FSD2: variants seen among roughly 807,000 people sequenced by gnomAD.
FSD2 encodes fibronectin type III and SPRY domain-containing protein 2.
Under a neutral mutation model 80.4 loss-of-function variants are expected in FSD2, and 71 were observed. The ratio of observed to expected loss-of-function variants is 0.88; its 90% CI spans 0.73 to 1.08. FSD2 has a LOEUF of 1.08. Ranked by LOEUF, FSD2 falls within the 50% of genes least tolerant of loss-of-function variation. FSD2 has a pLI of 0.00. For missense variants in FSD2, 923 were observed against 913.8 expected (o/e 1.01, Z -0.13); for synonymous variants, 361 against 329.5 (o/e 1.10, Z -1.03).
At chr15:82,772,297 C>G (rs72753957) in intron 6 of FSD2, 69 bp from the exon 7 acceptor site, 18,531 of 1,468,340 alleles carry the variant, frequency 0.013, 146 homozygotes, top group Middle Eastern at 0.03. Flanking sequence ...GCCCCTTTCC[C>G]ATGACCATTG....
intron 3 of FSD2, 52 bp downstream of exon 3, chr15:82,786,459 G>T: frequency 7.6e-7 from 1 of 1,321,564 alleles, no homozygotes; most frequent in Non-Finnish European, 1.1e-6. Flanking sequence ...GCTTGACATA[G>T]CCATTGATGG....
intron 3 of FSD2, among the ~76,000 whole-genome samples, chr15:82,784,993 CACTT>C (rs2049960925): frequency 6.6e-6 from 1 of 152,150 alleles, no homozygotes; most frequent in Non-Finnish European, 1.5e-5. Context: ...AGGAAAAGAA[CACTT>C]ACCAAAAACG....
intron 6 of FSD2, among the ~76,000 whole-genome samples, chr15:82,777,117 C>G (rs2049731084): frequency 6.6e-6 from 1 of 152,180 alleles, no homozygotes; most frequent in Non-Finnish European, 1.5e-5. Flanking sequence ...AACTGTATAA[C>G]TTCTTAAAGA....
intron 1 of FSD2, among the ~76,000 whole-genome samples, chr15:82,795,965 TAGA>T (rs1212922966): frequency 1.3e-5 from 2 of 151,548 alleles, no homozygotes; most frequent in African/African-American, 4.8e-5. Flanking sequence ...TCAAATGTCA[TAGA>T]AGAAGTTTTG....
chr15:82,772,457 C>T (rs933958945), intron 6 of FSD2, among the ~76,000 whole-genome samples: 1 of 152,166 alleles, frequency 6.6e-6, no homozygotes, highest in Non-Finnish European at 1.5e-5. Flanking sequence ...GCTTAAGGAG[C>T]AGGGGTCGGT....
Position 82,765,942 on chromosome 15 carries a change from C to G in FSD2, c.1643G>C (p.Gly548Ala), listed in dbSNP as rs754832955. The G allele has an allele frequency of 3.1e-6, 5 of 1,609,384 alleles. No individual in the cohort carries two copies. The South Asian group carries it at 3.3e-5, about 11-fold the overall frequency. ...YIIYVRALNMGGPSVRSEPAT... is the reference protein window; with the variant it reads ...YIIYVRALNMAGPSVRSEPAT... ...TGGCTCGCTCCTCACGCTGGGGCCC[C>G]CCATATTGAGGGCTCGCACATAGAT... Residue 548 changes from glycine to alanine, a missense_variant, in exon 10 of 13, where the codon GGG becomes GCG. Coordinates refer to ENST00000334574, the MANE Select transcript of FSD2 (RefSeq NM_001007122.4).
At position 82,778,795 on chromosome 15, in the gene FSD2, T is replaced by C; in HGVS notation, c.1082A>G (p.Gln361Arg). The change falls in exon 6 of 13, where the codon CAG (glutamine) becomes CGG (arginine). Residue 361 changes from glutamine (Q) to arginine (R), a missense_variant. Gln to Arg is a conservative substitution (Grantham distance 43). Transcript: ENST00000334574. ...AATGGTGTTAATGGAGCCCATCAGCTGCTCCACATCAGAGAAATCCAAGGT... is the reference window on the plus strand; with the variant it reads ...AATGGTGTTAATGGAGCCCATCAGCCGCTCCACATCAGAGAAATCCAAGGT... ...DQTLDFSDVE[Q>R]LMGSINTIPA... The C allele has an allele frequency of 6.2e-7, 1 of 1,613,514 alleles. No individual in the cohort carries two copies. The highest frequency in any genetic ancestry group is 8.5e-7 in the Non-Finnish European group (1 of 1,179,660).
intron 12 of FSD2, among the ~76,000 whole-genome samples, chr15:82,761,476 GCTTCAAAGCAAA>G (rs1567297094): frequency 6.6e-6 from 1 of 152,086 alleles, no homozygotes; most frequent in Non-Finnish European, 1.5e-5. Context: ...TGGAACTGGG[GCTTCAAAGCAAA>G]CTGTATTGGC....
At chr15:82,804,350 CA>C (rs1227093433) in intron 1 of FSD2, among the ~76,000 whole-genome samples, 1 of 152,102 alleles carries the variant, frequency 6.6e-6, no homozygotes, top group Non-Finnish European at 1.5e-5. Flanking sequence ...TGATTTTATT[CA>C]GCAGGTCATG....
intron 4 of FSD2, among the ~76,000 whole-genome samples, 172 bp downstream of exon 4, chr15:82,782,623 C>G (rs1320559137): frequency 2.0e-5 from 3 of 152,204 alleles, no homozygotes; most frequent in Non-Finnish European, 4.4e-5. Context: ...GCCACAGCCT[C>G]CCCATCACGA....
rs1199456105 is a variant in FSD2 at position 82,769,042 on chromosome 15, A to C, written c.1403-12T>G. 6.4e-7 allele frequency: 1 copy of C among 1,555,662 alleles called. No individual in the cohort carries two copies. The highest frequency in any genetic ancestry group is 8.7e-7 in the Non-Finnish European group (1 of 1,153,354). ...GGGGGGAGAAGGTGCTAAATGTGGGAGAAAGGGAGAGATGAACAACTGTTG... is the reference window on the plus strand; with the variant it reads ...GGGGGGAGAAGGTGCTAAATGTGGGCGAAAGGGAGAGATGAACAACTGTTG... On this transcript the variant is annotated splice_polypyrimidine_tract_variant and intron_variant, in intron 8 of 12. Transcript: ENST00000334574.
At chr15:82,794,687 T>C (rs2050220104) in intron 1 of FSD2, among the ~76,000 whole-genome samples, 1 of 152,070 alleles carries the variant, frequency 6.6e-6, no homozygotes, top group African/African-American at 2.4e-5. Flanking sequence ...TGCATATACA[T>C]ATGTAATTGT....
chr15:82,767,996 A>G (rs916806876), intron 9 of FSD2, among the ~76,000 whole-genome samples: 2 of 152,272 alleles, frequency 1.3e-5, no homozygotes, highest in Admixed American at 6.5e-5. Flanking sequence ...TGTAAACCAG[A>G]GGTAAACCTA....
At chr15:82,761,668 TA>T (rs1275621972) in intron 12 of FSD2, among the ~76,000 whole-genome samples, 2 of 150,864 alleles carry the variant, frequency 1.3e-5, no homozygotes, top group African/African-American at 2.4e-5. Flanking sequence ...TATTTTATTT[TA>T]TTTTTTTATT....
rs773626632 is a variant in FSD2 at position 82,786,620 on chromosome 15, G to A, written c.640-14C>T. 6.7e-5 allele frequency: 108 copies of A among 1,609,722 alleles called. No homozygotes were observed. Among genetic ancestry groups the A allele is most frequent in the Non-Finnish European group, 8.6e-5 (101 of 1,176,384 alleles). On this transcript the variant is annotated splice_polypyrimidine_tract_variant and intron_variant, in intron 2 of 12. Coordinates refer to ENST00000334574, the MANE Select transcript of FSD2 (RefSeq NM_001007122.4). ...GTGAATTTCATCCTATCCAACAGAGGATCACAAAGAAGGTATTAATGTTAC... is the reference window on the plus strand; with the variant it reads ...GTGAATTTCATCCTATCCAACAGAGAATCACAAAGAAGGTATTAATGTTAC...
rs1455694681 is a variant in FSD2 at position 82,757,498 on chromosome 15, A to G, written c.*1850T>C. 2 of 151,112 alleles carry G rather than the reference A, an allele frequency of 1.3e-5. No homozygotes were observed. Among genetic ancestry groups the G allele is most frequent in the African/African-American group, 2.4e-5 (1 of 41,044 alleles). 9.4% of individuals were successfully genotyped at this position (151,112 alleles called of 1,614,324 possible). A position where few individuals can be genotyped will look rare whatever the true frequency, so the allele number is the denominator to read the frequency against. On this transcript the variant is annotated 3_prime_UTR_variant, in exon 13 of 13. Transcript: ENST00000334574. ...AGGCGCCCGCCACCAGTCCCGGCTAATTTTTTTGTATTTTTAGTAGAGACG... is the reference window on the plus strand; with the variant it reads ...AGGCGCCCGCCACCAGTCCCGGCTAGTTTTTTTGTATTTTTAGTAGAGACG...
chr15:82,767,244 G>T (rs1015094749), intron 9 of FSD2, among the ~76,000 whole-genome samples: 1 of 152,220 alleles, frequency 6.6e-6, no homozygotes, highest in African/African-American at 2.4e-5. Context: ...ATAGTGTGCT[G>T]TAGTGTATAA....
At chr15:82,763,004 T>A (rs537452442) in intron 11 of FSD2, among the ~76,000 whole-genome samples, 56 of 152,338 alleles carry the variant, frequency 3.7e-4, no homozygotes, top group African/African-American at 1.3e-3. Flanking sequence ...TTTAAAATTT[T>A]CTCTCTACTT....
chr15:82,766,010 G>A lies in FSD2; in HGVS notation c.1575C>T (p.Thr525=). 1.3e-6 allele frequency: 2 copies of A among 1,588,396 alleles called. No individual in the cohort carries two copies. The highest frequency in any genetic ancestry group is 1.7e-6 in the Non-Finnish European group (2 of 1,168,670). The stretch of plus-strand genomic sequence containing the variant: ...GCTGCAGCTGCACCACGGACTCGCA[G>A]GTCGGGATGCCCACAACAGACCTGT... ...GVTESVVGIP[T]CESVVQLQPG... The change falls in exon 10 of 13, where the codon ACC becomes ACT. Residue 525 remains threonine, a synonymous_variant. Coordinates refer to ENST00000334574, the MANE Select transcript of FSD2 (RefSeq NM_001007122.4).
Sources: gnomAD v4.1 joint callset for allele counts (sites outside exome capture counted in the v4.1 genomes callset) on GRCh38, gnomAD v4.1.1 for gene constraint, MANE v1.5 for transcripts, NCBI Gene and HGNC (gene_info 2026-07-23, HGNC 2026-07-21) for gene names.